The following ZBTB48 variants were observed in gnomAD, a reference collection of about 807,000 sequenced individuals.
ZBTB48 encodes zinc finger and BTB domain containing 48.
Under a neutral mutation model 64.5 loss-of-function variants are expected in ZBTB48, and 35 were observed. The observed-to-expected ratio is 0.54, with a 90% confidence interval of 0.41 to 0.72. ZBTB48 has a LOEUF of 0.72. Among genes scored for constraint, ZBTB48 ranks in the 30% least tolerant of loss-of-function variants. The pLI, the probability that ZBTB48 is intolerant of heterozygous loss-of-function variation, is 0.00. For synonymous variants in ZBTB48, 442 were observed against 356.7 expected, an observed-to-expected ratio of 1.24 and a Z score of -2.70; for missense variants, 828 against 895.3, an observed-to-expected ratio of 0.92 and a Z score of 0.96.
chr1:6,587,100 T>A, intron 5 of ZBTB48, 105 bp from the exon 6 acceptor site: 1 of 1,262,324 alleles, frequency 7.9e-7, no homozygotes. Flanking sequence ...CCCAGAATCA[T>A]CTCACCGGGG....
intron 3 of ZBTB48, among the ~76,000 whole-genome samples, chr1:6,585,106 G>C (rs575569000): frequency 6.6e-6 from 1 of 152,138 alleles, no homozygotes; most frequent in Non-Finnish European, 1.5e-5. Flanking sequence ...AGTGGGGTTC[G>C]ATTGCGATTT....
chr1:6,581,358 G>C, intron 2 of ZBTB48, 59 bp downstream of exon 2: 1 of 1,479,892 alleles, frequency 6.8e-7, no homozygotes, highest in Admixed American at 2.3e-5. Context: ...ACACTTTTTT[G>C]GTATAATAGG....
chr1:6,582,012 A>G, intron 2 of ZBTB48, 46 bp from the exon 3 acceptor site: 5 of 1,603,558 alleles, frequency 3.1e-6, no homozygotes, highest in Non-Finnish European at 4.3e-6. Flanking sequence ...ACTCCTGCTG[A>G]TTCATTTGGT....
intron 4 of ZBTB48, 197 bp from the exon 5 acceptor site, chr1:6,586,498 G>C: frequency 8.4e-7 from 1 of 1,185,958 alleles, no homozygotes; most frequent in East Asian, 2.7e-5. Context: ...GGCCTGAGAA[G>C]GGCCTGGTGT....
Position 6,588,076 on chromosome 1 carries a change from G to GT in ZBTB48, c.1397dup (p.Cys467MetfsTer2). On this transcript the variant is annotated frameshift_variant, in exon 8 of 11. Coordinates refer to ENST00000377674, the MANE Select transcript of ZBTB48 (RefSeq NM_005341.4). LOFTEE classifies it high-confidence loss of function. ...CCTTAACAGGAATGAGAGGCCACAC[G>GT]TATGTGAGTTCTGCAGCCACGCCTT... The GT allele has an allele frequency of 6.2e-7, 1 of 1,614,132 alleles. No homozygotes were observed. Among genetic ancestry groups the GT allele is most frequent in the Non-Finnish European group, 8.5e-7 (1 of 1,180,028 alleles).
chr1:6,586,143 G>A, intron 4 of ZBTB48, 113 bp downstream of exon 4: 2 of 1,066,446 alleles, frequency 1.9e-6, no homozygotes, highest in Non-Finnish European at 1.4e-6. Flanking sequence ...GTAAACTCAG[G>A]AAAGCTGTGG....
chr1:6,587,308 G>A lies in ZBTB48; in HGVS notation c.1224+17G>A. On this transcript the variant is annotated intron_variant, in intron 6 of 10. Transcript: ENST00000377674. ...CCCCATGCAGTAAGTGACAGGGAGGGCTGGGCATGCTTTGATGCTGGCATG... is the reference window on the plus strand; with the variant it reads ...CCCCATGCAGTAAGTGACAGGGAGGACTGGGCATGCTTTGATGCTGGCATG... The A allele has an allele frequency of 6.2e-7, 1 of 1,613,998 alleles. No individual in the cohort carries two copies.
In ZBTB48 at chr1:6,583,756, A is replaced by G. The variant is rs1373006122; in HGVS notation, c.932+1457A>G. ...GCTGGGACTACAGGTGCGCACCACT[A>G]CGCCCAGCTAATTGTTTTACTTTTT... On this transcript the variant is annotated intron_variant, in intron 3 of 10. Coordinates refer to ENST00000377674, the MANE Select transcript of ZBTB48 (RefSeq NM_005341.4). Among the ~76,000 whole-genome samples the G allele has an allele frequency of 2.1e-5, 3 of 142,898 alleles. No homozygotes were observed. The East Asian group carries it at 6.1e-4, about 29-fold the overall frequency. 93.7% of individuals were successfully genotyped at this position (142,898 alleles called of 152,430 possible).
At chr1:6,586,127 GGTACT>G (rs774891280) in intron 4 of ZBTB48, 97 bp downstream of exon 4, 13 of 1,249,626 alleles carry the variant, frequency 1.0e-5, no homozygotes, top group Non-Finnish European at 1.5e-5. Flanking sequence ...GTCTGAGAGG[GGTACT>G]GTAAACTCAG....
chr1:6,584,505 C>A lies in ZBTB48; in HGVS notation c.933-1414C>A, dbSNP rs1365330542. On this transcript the variant is annotated intron_variant, in intron 3 of 10. Coordinates refer to ENST00000377674, the MANE Select transcript of ZBTB48 (RefSeq NM_005341.4). The surrounding 1 kb of genome is among the most constrained non-coding windows in gnomAD (Gnocchi z 4.5). ...TGTTTTCTTGCCATGCCAGGTTGGG[C>A]GGCACACTAGTAATCACCTAGAATG... Among the ~76,000 whole-genome samples, 1 of 152,216 alleles carries A rather than the reference C, an allele frequency of 6.6e-6. No homozygotes were observed. Among genetic ancestry groups the A allele is most frequent in the African/African-American group, 2.4e-5 (1 of 41,454 alleles).
At chr1:6,588,596 C>A in intron 9 of ZBTB48, 154 bp downstream of exon 9, 2 of 1,440,194 alleles carry the variant, frequency 1.4e-6, no homozygotes, top group South Asian at 2.7e-5. Flanking sequence ...GTGTCCTGTG[C>A]AGTAGTGACC....
chr1:6,589,006 GAGA>G lies in ZBTB48; in HGVS notation c.1865_1867del (p.Lys622del), dbSNP rs1256521514. ...GCTCCGCAACCTGATCATCGAGGACGAGAAGATGGTGGTGGTGGCGCTGCAGCC... is the reference window on the plus strand; with the variant it reads ...GCTCCGCAACCTGATCATCGAGGACGAGATGGTGGTGGTGGCGCTGCAGCC... On this transcript the variant is annotated inframe_deletion, in exon 11 of 11. Coordinates refer to ENST00000377674, the MANE Select transcript of ZBTB48 (RefSeq NM_005341.4). The G allele has an allele frequency of 5.0e-6, 8 of 1,596,744 alleles. No individual in the cohort carries two copies. Among genetic ancestry groups the G allele is most frequent in the East Asian group, 2.2e-5 (1 of 44,664 alleles).
In ZBTB48 at chr1:6,584,838, GA is replaced by G. The variant is rs1640602085; in HGVS notation, c.933-1080del. Among the ~76,000 whole-genome samples, 1 of 152,214 alleles carries G rather than the reference GA, an allele frequency of 6.6e-6. No individual in the cohort carries two copies. The highest frequency in any genetic ancestry group is 1.5e-5 in the Non-Finnish European group (1 of 68,038). On this transcript the variant is annotated intron_variant, in intron 3 of 10. Transcript: ENST00000377674. This position sits in a 1 kb window ranked among gnomAD's most constrained non-coding sequence, Gnocchi z 4.5. Reference sequence around the variant, plus strand: ...GAGCTGCTTGGCCTCTGGAAGGTGGGAGGAGCTGTCGCAGGCTGCACAGGGG... The same window carrying G: ...GAGCTGCTTGGCCTCTGGAAGGTGGGGGAGCTGTCGCAGGCTGCACAGGGG...
Position 6,580,948 on chromosome 1 carries a change from C to T in ZBTB48, c.339C>T (p.Ser113=). ...CAGAGGCCGTAGAGCTGTGCCAGAG[C>T]TTCAAGCCCAAAACTTCAGTGGGAC... The part of the protein sequence containing the change: ...RVPEAVELCQ[S]FKPKTSVGQA... The change falls in exon 2 of 11, where the codon AGC becomes AGT. Residue 113 remains serine, a synonymous_variant. Transcript: ENST00000377674. This position sits in a 1 kb window ranked among gnomAD's most constrained non-coding sequence, Gnocchi z 5.2. 6.2e-7 allele frequency: 1 copy of T among 1,613,974 alleles called. No homozygotes were observed. The highest frequency in any genetic ancestry group is 8.5e-7 in the Non-Finnish European group (1 of 1,180,044).
chr1:6,587,677 C>T (rs745601483), intron 7 of ZBTB48, 45 bp downstream of exon 7: 6 of 1,606,406 alleles, frequency 3.7e-6, no homozygotes, highest in Non-Finnish European at 4.2e-6. Flanking sequence ...CTGCTGCCAG[C>T]CCAGGCTTGC....
chr1:6,587,075 C>T, intron 5 of ZBTB48, 130 bp from the exon 6 acceptor site: 1 of 1,048,334 alleles, frequency 9.5e-7, no homozygotes. Flanking sequence ...TCCTTCACAC[C>T]AGATCAGGGG....
At position 6,586,951 on chromosome 1, in the gene ZBTB48, G is replaced by T. The variant is rs777735525; in HGVS notation, c.1137+164G>T. ...TCCAGTGCCCCCTTATCTAGGCAGG[G>T]CTACTGTCTGCAGCCTCACCTCCAA... On this transcript the variant is annotated intron_variant, in intron 5 of 10. Coordinates refer to ENST00000377674, the MANE Select transcript of ZBTB48 (RefSeq NM_005341.4). 4.5e-5 allele frequency: 41 copies of T among 910,552 alleles called. No homozygotes were observed. The South Asian group carries it at 5.8e-4, about 13-fold the overall frequency. The allele number at this position is 910,552 out of a possible 1,614,324, so 56.4% of individuals were successfully genotyped here.
In ZBTB48 at chr1:6,581,069, T is replaced by G. The variant is rs770111838; in HGVS notation, c.460T>G (p.Ser154Ala). 1.2e-6 allele frequency: 2 copies of G among 1,613,180 alleles called. No homozygotes were observed. Among genetic ancestry groups the G allele is most frequent in the South Asian group, 2.2e-5 (2 of 91,070 alleles). The change falls in exon 2 of 11, where the codon TCG becomes GCG. Residue 154 changes from serine (S) to alanine (A), a missense_variant. Transcript: ENST00000377674. ...GGCAGGCTTGGAAGAAGAGGAAGTT[T>G]CGAGGACTCTGGGTCTAGTCCCCAG... Reference protein sequence around the residue: ...EPAGLEEEEVSRTLGLVPRDQ... With the variant: ...EPAGLEEEEVARTLGLVPRDQ...
In ZBTB48 at chr1:6,585,832, C is replaced by T. The variant is rs1250990073; in HGVS notation, c.933-87C>T. 4.6e-6 allele frequency: 6 copies of T among 1,304,660 alleles called. No individual in the cohort carries two copies. The East Asian group carries it at 6.9e-5, about 15-fold the overall frequency. The allele number at this position is 1,304,660 out of a possible 1,614,324, so 80.8% of individuals were successfully genotyped here. ...GGTGTCACCTGAGAACACTTGTTCC[C>T]CTTAGAAGGGACCCAGAGGGGGCCC... On this transcript the variant is annotated intron_variant, in intron 3 of 10. Transcript: ENST00000377674.
Sources: allele counts gnomAD v4.1 joint callset (sites outside exome capture counted in the v4.1 genomes callset), GRCh38; gene constraint gnomAD v4.1.1; non-coding constraint Gnocchi (gnomAD v3.1); transcripts MANE v1.5; gene names NCBI Gene and HGNC (gene_info 2026-07-23, HGNC 2026-07-21).